GABRB1: variants seen among roughly 807,000 people sequenced by gnomAD.
GABRB1 encodes the protein gamma-aminobutyric acid type A receptor subunit beta1.
Under a neutral mutation model 51.6 loss-of-function variants are expected in GABRB1, and 17 were observed. That is an observed-to-expected ratio of 0.33 (90% CI 0.23 to 0.49). The LOEUF is 0.49. GABRB1 is among the 20% of genes least tolerant of loss of function. The pLI is 0.99. For missense variants in GABRB1, 410 were observed against 600.6 expected, an observed-to-expected ratio of 0.68 and a Z score of 3.32; for synonymous variants, 247 against 218.9, an observed-to-expected ratio of 1.13 and a Z score of -1.14.
chr4:47,182,317 T>C (rs958709694), intron 4 of GABRB1, among the ~76,000 whole-genome samples: 5 of 151,958 alleles, frequency 3.3e-5, no homozygotes, highest in African/African-American at 4.8e-5. Context: ...TATGATGCAG[T>C]AGAGATTCAT....
At chr4:47,149,519 C>T (rs1026730984) in intron 3 of GABRB1, among the ~76,000 whole-genome samples, 5 of 151,890 alleles carry the variant, frequency 3.3e-5, no homozygotes, top group African/African-American at 7.2e-5. Flanking sequence ...AATTAGATTC[C>T]AAGTCTGCCA....
chr4:47,267,055 T>C (rs1722666390), intron 4 of GABRB1, among the ~76,000 whole-genome samples: 1 of 152,120 alleles, frequency 6.6e-6, no homozygotes. Context: ...AATATACCTG[T>C]CCTGCTTTTT....
intron 3 of GABRB1, among the ~76,000 whole-genome samples, chr4:47,118,074 G>A (rs1462145026): frequency 6.6e-6 from 1 of 152,048 alleles, no homozygotes; most frequent in African/African-American, 2.4e-5. Context: ...AAAATATATA[G>A]GATATAAAAC....
chr4:47,210,491 G>C (rs1356313842), intron 4 of GABRB1, among the ~76,000 whole-genome samples: 1 of 151,952 alleles, frequency 6.6e-6, no homozygotes, highest in African/African-American at 2.4e-5. Flanking sequence ...TTCCATTTAA[G>C]GTAACTATTT....
At chr4:47,164,026 G>T (rs1226428573) in intron 4 of GABRB1, among the ~76,000 whole-genome samples, 1 of 151,958 alleles carries the variant, frequency 6.6e-6, no homozygotes, top group African/African-American at 2.4e-5. Context: ...GGTGGCAGGT[G>T]GGAGAGAGAA....
chr4:47,115,762 TAAAA>T (rs5858055), intron 3 of GABRB1, among the ~76,000 whole-genome samples: 1 of 151,892 alleles, frequency 6.6e-6, no homozygotes, highest in Non-Finnish European at 1.5e-5. Context: ...AACAGCATGT[TAAAA>T]AAACAGTTAA....
At chr4:47,144,082 G>A (rs1442099) in intron 3 of GABRB1, among the ~76,000 whole-genome samples, 136,775 of 152,018 alleles carry the variant, frequency 0.9, 61,604 homozygotes, top group South Asian at 0.93. Context: ...TCTGTATTGT[G>A]CACAGGACCA....
At chr4:47,264,226 G>A (rs942655134) in intron 4 of GABRB1, among the ~76,000 whole-genome samples, 5 of 152,128 alleles carry the variant, frequency 3.3e-5, no homozygotes, top group African/African-American at 1.2e-4. Flanking sequence ...GACTTCATAG[G>A]AAAGACTTAA....
chr4:47,255,884 C>G (rs956544936), intron 4 of GABRB1, among the ~76,000 whole-genome samples: 1 of 152,124 alleles, frequency 6.6e-6, no homozygotes, highest in Non-Finnish European at 1.5e-5. Flanking sequence ...TGGCTTGTTA[C>G]TGATGAAGCA....
chr4:47,216,524 T>C (rs1410897505), intron 4 of GABRB1, among the ~76,000 whole-genome samples: 1 of 151,958 alleles, frequency 6.6e-6, no homozygotes, highest in African/African-American at 2.4e-5. Context: ...TCTGTTGTTA[T>C]TTTAATTCAT....
intron 3 of GABRB1, among the ~76,000 whole-genome samples, chr4:47,083,559 G>T (rs1459210023): frequency 6.6e-6 from 1 of 152,100 alleles, no homozygotes; most frequent in Non-Finnish European, 1.5e-5. Flanking sequence ...AAGACCAGGG[G>T]TTAGAGACTT....
chr4:47,099,100 T>C lies in GABRB1; in HGVS notation c.241-62149T>C, dbSNP rs144624493. Among the ~76,000 whole-genome samples, 13 of 152,190 alleles carry C rather than the reference T, an allele frequency of 8.5e-5. No homozygotes were observed. The East Asian group carries it at 2.5e-3, about 29-fold the overall frequency. ...AATATAGGTAGCAAGATTGTGAAGA[T>C]ACATCCATGGTAAGGAATCTCTTTC... On this transcript the variant is annotated intron_variant, in intron 3 of 8. Coordinates refer to ENST00000295454, the MANE Select transcript of GABRB1 (RefSeq NM_000812.4).
intron 3 of GABRB1, among the ~76,000 whole-genome samples, chr4:47,062,825 T>A (rs1726898039): frequency 6.6e-6 from 1 of 152,132 alleles, no homozygotes; most frequent in Non-Finnish European, 1.5e-5. Flanking sequence ...TTCCAATTCA[T>A]CAACAAATTG....
At chr4:47,165,874 T>A (rs1315218684) in intron 4 of GABRB1, among the ~76,000 whole-genome samples, 2 of 152,084 alleles carry the variant, frequency 1.3e-5, no homozygotes, top group Non-Finnish European at 2.9e-5. Flanking sequence ...ATTACCATTA[T>A]CCCATTCAAT....
At chr4:47,147,560 G>C (rs1717227023) in intron 3 of GABRB1, among the ~76,000 whole-genome samples, 1 of 152,100 alleles carries the variant, frequency 6.6e-6, no homozygotes, top group Admixed American at 6.6e-5. Flanking sequence ...GGAAATAAAA[G>C]AGCACCCAGC....
At chr4:47,361,421 C>T (rs1309882326) in intron 5 of GABRB1, among the ~76,000 whole-genome samples, 1 of 152,024 alleles carries the variant, frequency 6.6e-6, no homozygotes, top group Non-Finnish European at 1.5e-5. Context: ...AAGCTGAAGC[C>T]AGGGTAGCTA....
At position 47,425,511 on chromosome 4, in the gene GABRB1, T is replaced by C. The variant is rs144569725; in HGVS notation, c.1081-163T>C. 4.2e-3 allele frequency among the ~76,000 whole-genome samples: 630 copies of C among 151,206 alleles called. 1 individual carries two copies. Among genetic ancestry groups the C allele is most frequent in the South Asian group, 7.9e-3 (38 of 4,792 alleles). On this transcript the variant is annotated intron_variant, in intron 8 of 8. Transcript: ENST00000295454. ...ATAGATAGATAGATAGATAGATAGA[T>C]AGATAGATCGATCGATCTATCTCCA...
intron 3 of GABRB1, among the ~76,000 whole-genome samples, chr4:47,040,293 A>T (rs1725784043): frequency 6.6e-6 from 1 of 152,224 alleles, no homozygotes; most frequent in African/African-American, 2.4e-5. Flanking sequence ...AGGATGAAGT[A>T]GAGAAGGCTA....
Position 47,147,478 on chromosome 4 carries a change from G to T in GABRB1, c.241-13771G>T, listed in dbSNP as rs115858779. On this transcript the variant is annotated intron_variant, in intron 3 of 8. Transcript: ENST00000295454. ...ATAGTAGTTTGGGCATCCACTAGAC[G>T]GCAGGCCCTGCCCTCAACACTGAGG... Among the ~76,000 whole-genome samples the T allele has an allele frequency of 6.0e-4, 92 of 152,092 alleles. 1 individual carries two copies. Among genetic ancestry groups the T allele is most frequent in the African/African-American group, 2.1e-3 (89 of 41,514 alleles).
Sources: allele counts gnomAD v4.1 joint callset (sites outside exome capture counted in the v4.1 genomes callset), GRCh38; gene constraint gnomAD v4.1.1; transcripts MANE v1.5; gene names NCBI Gene and HGNC (gene_info 2026-07-23, HGNC 2026-07-21).